The following CSMD2 variants were observed in gnomAD, a reference collection of about 807,000 sequenced individuals.
CSMD2 encodes CUB and sushi domain-containing protein 2.
In CSMD2, 130 loss-of-function variants were observed where a neutral mutation model predicts 398.5. That is an observed-to-expected ratio of 0.33 (90% confidence interval 0.28 to 0.38). CSMD2 has a LOEUF of 0.38. Ranked by LOEUF, CSMD2 falls within the 10% of genes least tolerant of loss-of-function variation. The pLI is 1.00. For synonymous variants in CSMD2, 1,828 were observed against 1,908.5 expected, an observed-to-expected ratio of 0.96 and a Z score of 1.10; for missense variants, 3,829 against 4,764.9, an observed-to-expected ratio of 0.80 and a Z score of 5.78.
intron 1 of CSMD2, among the ~76,000 whole-genome samples, chr1:34,112,455 T>C (rs1661191077): frequency 6.6e-6 from 1 of 152,164 alleles, no homozygotes; most frequent in African/African-American, 2.4e-5. Context: ...AGCCATGAGG[T>C]AACTCAAAGG....
At chr1:33,803,094 T>A (rs966470107) in intron 10 of CSMD2, among the ~76,000 whole-genome samples, 1 of 152,196 alleles carries the variant, frequency 6.6e-6, no homozygotes, top group African/African-American at 2.4e-5. Flanking sequence ...AAGACATTTG[T>A]CATCGTTGCC....
At position 34,002,850 on chromosome 1, in the gene CSMD2, AT is replaced by A. The variant is rs1242562631; in HGVS notation, c.517+29743del. On this transcript the variant is annotated intron_variant, in intron 3 of 70. Transcript: ENST00000373381. ...ATGGAAAAGATAAATTAAAAAAAAAATTTAAAGTGGTTTGCAAACAGTATTT... is the reference window on the plus strand; with the variant it reads ...ATGGAAAAGATAAATTAAAAAAAAAATTAAAGTGGTTTGCAAACAGTATTT... Among the ~76,000 whole-genome samples, 8 of 152,312 alleles carry A rather than the reference AT, an allele frequency of 5.3e-5. No individual in the cohort carries two copies. In the East Asian group the frequency reaches 7.7e-4, roughly 15 times the overall value.
chr1:33,675,983 C>G (rs891836169), intron 25 of CSMD2, among the ~76,000 whole-genome samples: 9 of 152,176 alleles, frequency 5.9e-5, no homozygotes, highest in Non-Finnish European at 1.0e-4. Flanking sequence ...CTATTTATGA[C>G]AAACCCAAAG....
intron 5 of CSMD2, among the ~76,000 whole-genome samples, chr1:33,891,820 G>T (rs1187443724): frequency 6.9e-6 from 1 of 145,710 alleles, no homozygotes; most frequent in Non-Finnish European, 1.5e-5. Context: ...AACACTGCAT[G>T]TTCTCACTCA....
intron 22 of CSMD2, among the ~76,000 whole-genome samples, chr1:33,702,599 A>T (rs998717704): frequency 7.2e-5 from 11 of 152,300 alleles, no homozygotes; most frequent in African/African-American, 2.6e-4. Flanking sequence ...TAACAATAAG[A>T]TCGAATTATA....
intron 3 of CSMD2, among the ~76,000 whole-genome samples, chr1:34,022,893 G>A (rs764089537): frequency 4.6e-5 from 7 of 152,068 alleles, no homozygotes; most frequent in South Asian, 2.1e-4. Flanking sequence ...GTGCAGTGGC[G>A]CAATCACAGC....
chr1:33,932,449 G>A (rs1016183349), intron 4 of CSMD2, among the ~76,000 whole-genome samples: 1 of 152,018 alleles, frequency 6.6e-6, no homozygotes, highest in African/African-American at 2.4e-5. Context: ...TTCAGACGAC[G>A]AAAAAAGAAT....
intron 62 of CSMD2, among the ~76,000 whole-genome samples, chr1:33,536,701 G>A (rs58244744): frequency 0.029 from 4,455 of 151,320 alleles, 203 homozygotes; most frequent in African/African-American, 0.099. Flanking sequence ...TGTGGGTGGG[G>A]TGGGCACCGT....
intron 5 of CSMD2, among the ~76,000 whole-genome samples, chr1:33,897,877 G>A (rs1373562030): frequency 6.6e-6 from 1 of 152,206 alleles, no homozygotes; most frequent in Non-Finnish European, 1.5e-5. Context: ...CCAGAGACCC[G>A]ACGGAGGAGG....
chr1:33,574,067 A>G (rs10798970), intron 49 of CSMD2, among the ~76,000 whole-genome samples: 32,717 of 152,192 alleles, frequency 0.21, 3,737 homozygotes, highest in Non-Finnish European at 0.25. Flanking sequence ...AACTGACCAA[A>G]CATGTGTGAG....
chr1:33,677,257 T>G (rs572453966), intron 25 of CSMD2, among the ~76,000 whole-genome samples: 1 of 152,000 alleles, frequency 6.6e-6, no homozygotes, highest in African/African-American at 2.4e-5. Context: ...CTCAAACAAA[T>G]TTACAAGAAA....
intron 39 of CSMD2, among the ~76,000 whole-genome samples, chr1:33,615,487 C>T (rs146460279): frequency 4.3e-4 from 66 of 152,276 alleles, no homozygotes; most frequent in African/African-American, 1.5e-3. Context: ...GCTCCAGCCT[C>T]GACTGCCTGT....
intron 3 of CSMD2, among the ~76,000 whole-genome samples, chr1:34,019,954 G>C (rs999084154): frequency 6.6e-6 from 1 of 152,152 alleles, no homozygotes; most frequent in South Asian, 2.1e-4. Context: ...GACAGGACCT[G>C]TCCTAGGAGC....
At chr1:33,591,242 C>G (rs1388601659) in intron 44 of CSMD2, among the ~76,000 whole-genome samples, 1 of 152,170 alleles carries the variant, frequency 6.6e-6, no homozygotes, top group African/African-American at 2.4e-5. Flanking sequence ...CCCACCTTGG[C>G]CTCCCAAAGT....
At chr1:33,707,951 A>C (rs1645860588) in intron 22 of CSMD2, among the ~76,000 whole-genome samples, 1 of 152,204 alleles carries the variant, frequency 6.6e-6, no homozygotes, top group Admixed American at 6.5e-5. Flanking sequence ...ATAAAACTAT[A>C]TTAGAAAAAG....
At chr1:33,538,668 A>G (rs915675174) in intron 60 of CSMD2, among the ~76,000 whole-genome samples, 1 of 152,236 alleles carries the variant, frequency 6.6e-6, no homozygotes, top group Non-Finnish European at 1.5e-5. Flanking sequence ...TGAAAGAACC[A>G]GAAACACAAA....
chr1:33,809,736 C>T (rs1490921506), intron 10 of CSMD2, among the ~76,000 whole-genome samples: 9 of 105,224 alleles, frequency 8.6e-5, no homozygotes, highest in African/African-American at 2.9e-4. Context: ...GTAGAAACAA[C>T]ACCATCATTT....
intron 1 of CSMD2, among the ~76,000 whole-genome samples, chr1:34,101,959 TTG>T (rs1279699179): frequency 6.6e-6 from 1 of 152,218 alleles, no homozygotes; most frequent in African/African-American, 2.4e-5. Context: ...TTTGTCATAT[TTG>T]TTGCAAATAT....
rs1328218099 is a variant in CSMD2 at position 33,835,687 on chromosome 1, AC to A, written c.1034-9914del. Reference sequence around the variant, plus strand: ...ATAAATTAAAACAAAACAAAACAAAACAAAAAAAACAAACAAAAATACATTT... The same window carrying A: ...ATAAATTAAAACAAAACAAAACAAAAAAAAAAAACAAACAAAAATACATTT... On this transcript the variant is annotated intron_variant, in intron 6 of 70. Coordinates refer to ENST00000373381, the MANE Select transcript of CSMD2 (RefSeq NM_001281956.2). Among the ~76,000 whole-genome samples the A allele has an allele frequency of 8.7e-3, 85 of 9,748 alleles. No individual in the cohort carries two copies. The East Asian group carries it at 0.19, about 22-fold the overall frequency. 6.4% of individuals were successfully genotyped at this position (9,748 alleles called of 152,430 possible).
Sources: allele counts gnomAD v4.1 joint callset (sites outside exome capture counted in the v4.1 genomes callset), GRCh38; gene constraint gnomAD v4.1.1; transcripts MANE v1.5; gene names NCBI Gene and HGNC (gene_info 2026-07-23, HGNC 2026-07-21).